The following ZMIZ1 variants were observed in gnomAD, a reference collection of about 807,000 sequenced individuals.
ZMIZ1 encodes zinc finger MIZ-type containing 1.
ZMIZ1 carries 17 observed loss-of-function variants against 113.9 expected under a neutral mutation model. The ratio of observed to expected loss-of-function variants is 0.15; its 90% CI spans 0.10 to 0.22. The LOEUF is 0.22. Among genes scored for constraint, ZMIZ1 ranks in the 10% least tolerant of loss-of-function variants. The pLI is 1.00. For missense variants in ZMIZ1, 1,059 were observed against 1,477.8 expected (o/e 0.72, Z 4.65); for synonymous variants, 607 against 603.1 (o/e 1.01, Z -0.09).
intron 1 of ZMIZ1, among the ~76,000 whole-genome samples, chr10:79,111,982 C>G (rs922491115): frequency 6.6e-6 from 1 of 152,142 alleles, no homozygotes; most frequent in African/African-American, 2.4e-5. Context: ...CTTGGTTGGG[C>G]TAAAAAAGTA....
At chr10:79,137,176 C>A (rs1252842872) in intron 2 of ZMIZ1, among the ~76,000 whole-genome samples, 1 of 152,156 alleles carries the variant, frequency 6.6e-6, no homozygotes, top group South Asian at 2.1e-4. Context: ...TTTCTGTGGC[C>A]CAGCCCTGTG....
At chr10:79,177,315 G>A (rs943090711) in intron 4 of ZMIZ1, among the ~76,000 whole-genome samples, 2 of 152,150 alleles carry the variant, frequency 1.3e-5, no homozygotes, top group Non-Finnish European at 2.9e-5. Context: ...AGCTGGCCTC[G>A]CCTCCTGGAG....
chr10:79,241,965 A>G (rs1291587703), intron 7 of ZMIZ1, among the ~76,000 whole-genome samples: 2 of 152,152 alleles, frequency 1.3e-5, no homozygotes, highest in East Asian at 3.9e-4. Context: ...ATGGGGACTC[A>G]CTTACCTTCC....
chr10:79,171,100 T>C (rs923990767), intron 4 of ZMIZ1, among the ~76,000 whole-genome samples: 10 of 152,138 alleles, frequency 6.6e-5, no homozygotes, highest in African/African-American at 2.4e-4. Context: ...TCCAGAAATA[T>C]CCACGCACAG....
At chr10:79,124,318 T>A (rs2132344300) in intron 2 of ZMIZ1, among the ~76,000 whole-genome samples, 2 of 152,364 alleles carry the variant, frequency 1.3e-5, no homozygotes, top group East Asian at 3.9e-4. Flanking sequence ...AAGTTGGGAC[T>A]ATCCTGTTGT....
At position 79,160,021 on chromosome 10, in the gene ZMIZ1, C is replaced by T. The variant is rs186880570; in HGVS notation, c.-130-2032C>T. Among the ~76,000 whole-genome samples the T allele has an allele frequency of 7.2e-5, 11 of 152,366 alleles. No individual in the cohort carries two copies. In the East Asian group the frequency reaches 2.1e-3, roughly 29 times the overall value. On this transcript the variant is annotated intron_variant, in intron 3 of 24. Transcript: ENST00000334512. ...TCGGCTCTGGCTTCCGTCTCAGCTGCCAAGATAATTATTTTCTCTCTGTCA... is the reference window on the plus strand; with the variant it reads ...TCGGCTCTGGCTTCCGTCTCAGCTGTCAAGATAATTATTTTCTCTCTGTCA...
rs576726795 is a variant in ZMIZ1, at chr10:79,210,057, C to T, written c.174+1608C>T. 7.2e-5 allele frequency among the ~76,000 whole-genome samples: 11 copies of T among 152,334 alleles called. No individual in the cohort carries two copies. In the East Asian group the frequency reaches 1.3e-3, roughly 19 times the overall value. ...CCATGGGATCCCCTTCTCCCTCCGC[C>T]CCCCCAGCCCCCTAATCCTCTTTGT... On this transcript the variant is annotated intron_variant, in intron 6 of 24. Coordinates refer to ENST00000334512, the MANE Select transcript of ZMIZ1 (RefSeq NM_020338.4).
At chr10:79,071,025 C>T (rs1400571484) in intron 1 of ZMIZ1, among the ~76,000 whole-genome samples, 2 of 152,184 alleles carry the variant, frequency 1.3e-5, no homozygotes, top group African/African-American at 4.8e-5. Flanking sequence ...CACGGCTCGG[C>T]CAGCCTTTCC....
At chr10:79,184,526 C>T (rs1405576658) in intron 4 of ZMIZ1, among the ~76,000 whole-genome samples, 6 of 152,200 alleles carry the variant, frequency 3.9e-5, no homozygotes, top group Non-Finnish European at 4.4e-5. Flanking sequence ...CAGAGGCGCC[C>T]GGATAAGTGC....
intron 21 of ZMIZ1, 96 bp downstream of exon 21, chr10:79,305,697 C>T (rs1854638002): frequency 2.3e-6 from 3 of 1,287,444 alleles, no homozygotes; most frequent in Non-Finnish European, 3.4e-6. Context: ...CAGCCCTCCC[C>T]TCCCAGGCCA....
chr10:79,074,001 A>G (rs994471651), intron 1 of ZMIZ1, among the ~76,000 whole-genome samples: 1 of 152,152 alleles, frequency 6.6e-6, no homozygotes, highest in African/African-American at 2.4e-5. Context: ...ATTAACCGCT[A>G]CCAGCTGGCT....
chr10:79,178,407 C>T (rs1846963372), intron 4 of ZMIZ1, among the ~76,000 whole-genome samples: 1 of 152,198 alleles, frequency 6.6e-6, no homozygotes, highest in African/African-American at 2.4e-5. Flanking sequence ...CCATTCTCTC[C>T]ACCATCACCC....
At chr10:79,274,107 G>A (rs1247822286) in intron 7 of ZMIZ1, among the ~76,000 whole-genome samples, 1 of 152,060 alleles carries the variant, frequency 6.6e-6, no homozygotes, top group Admixed American at 6.5e-5. Context: ...ACAGGACAAG[G>A]GACAGGCTGG....
chr10:79,186,767 G>A (rs1170893860), intron 4 of ZMIZ1, among the ~76,000 whole-genome samples: 1 of 152,342 alleles, frequency 6.6e-6, no homozygotes, highest in East Asian at 1.9e-4. Flanking sequence ...TGAATGGTGA[G>A]AGTCCTGCTT....
chr10:79,274,329 G>A (rs1315889478), intron 7 of ZMIZ1, among the ~76,000 whole-genome samples: 2 of 152,220 alleles, frequency 1.3e-5, no homozygotes, highest in African/African-American at 4.8e-5. Flanking sequence ...AAGCATGCAG[G>A]CCAGCCCCGC....
chr10:79,289,918 G>C (rs771747944), intron 9 of ZMIZ1, 29 bp downstream of exon 9: 1 of 1,600,372 alleles, frequency 6.2e-7, no homozygotes, highest in Non-Finnish European at 8.6e-7. Context: ...CTCAGCCACA[G>C]CTCTTTCTAG....
chr10:79,302,861 G>GTTTTTTT (rs34181232), intron 18 of ZMIZ1, among the ~76,000 whole-genome samples: 1 of 116,050 alleles, frequency 8.6e-6, no homozygotes. Context: ...GCCCAGCTAA[G>GTTTTTTT]TTTTTTTTTT....
In ZMIZ1 at chr10:79,294,094, C is replaced by T. The variant is rs367904085; in HGVS notation, c.1230+441C>T. On this transcript the variant is annotated intron_variant, in intron 12 of 24. Transcript: ENST00000334512. ...TGCTTCCAGTCTATAAGGGCTGACC[C>T]GTCCGGGAAGTGACTGGAAGGCAGG... 97 of 220,420 alleles carry T rather than the reference C, an allele frequency of 4.4e-4. 1 individual carries two copies. The East Asian group carries it at 8.9e-3, about 20-fold the overall frequency. The allele number at this position is 220,420 out of a possible 1,614,324, so 13.7% of individuals were successfully genotyped here.
rs148449464 is a variant in ZMIZ1 at position 79,269,494 on chromosome 10, C to T, written c.281-7687C>T. 6.9e-3 allele frequency among the ~76,000 whole-genome samples: 1,053 copies of T among 151,738 alleles called. 10 individuals carry two copies. Among genetic ancestry groups the T allele is most frequent in the Non-Finnish European group, 0.011 (755 of 67,874 alleles). On this transcript the variant is annotated intron_variant, in intron 7 of 24. Transcript: ENST00000334512. The stretch of plus-strand genomic sequence containing the variant: ...ACACACACACACACACACACACTTT[C>T]TCTGTTCTCCAGCAGCCTTTTAGCT...
Sources: allele counts gnomAD v4.1 joint callset (sites outside exome capture counted in the v4.1 genomes callset), GRCh38; gene constraint gnomAD v4.1.1; transcripts MANE v1.5; gene names NCBI Gene and HGNC (gene_info 2026-07-23, HGNC 2026-07-21).